Variants in ZNF875 observed in about 807,000 individuals in gnomAD.
ZNF875 encodes HKR1, GLI-Kruppel zinc finger family member.
A neutral mutation model predicts 11.2 loss-of-function variants in ZNF875; 14 were observed. The observed-to-expected ratio is 1.26, with a 90% CI of 0.83 to 1.96. The LOEUF (loss-of-function observed/expected upper bound fraction) is 1.96. ZNF875 is among the 30% of genes most tolerant of loss of function. The pLI is 0.00. For missense variants in ZNF875, 752 were observed against 760.4 expected, an observed-to-expected ratio of 0.99 and a Z score of 0.13; for synonymous variants, 301 against 281.1, an observed-to-expected ratio of 1.07 and a Z score of -0.71.
At position 37,335,211 on chromosome 19, in the gene ZNF875, A is replaced by T. The variant is rs780231081; in HGVS notation, c.-14A>T. 2 of 702,426 alleles carry T rather than the reference A, an allele frequency of 2.8e-6. No individual in the cohort carries two copies. The highest frequency in any genetic ancestry group is 5.2e-6 in the Non-Finnish European group (2 of 384,676). 43.5% of individuals were successfully genotyped at this position (702,426 alleles called of 1,614,324 possible). On this transcript the variant is annotated 5_prime_UTR_variant, in exon 2 of 5. Transcript: ENST00000392153. ...TTGCCCTTCTCCAGGAAGAGCACTC[A>T]GGAGACCAGGAAAATGGCCACAGGG...
chr19:37,345,801 G>A (rs1280223062), intron 2 of ZNF875, among the ~76,000 whole-genome samples: 1 of 152,180 alleles, frequency 6.6e-6, no homozygotes, highest in African/African-American at 2.4e-5. Context: ...TGTACCTAAA[G>A]AGAATAAGTG....
intron 2 of ZNF875, among the ~76,000 whole-genome samples, chr19:37,336,433 G>A (rs923664643): frequency 6.6e-6 from 1 of 151,014 alleles, no homozygotes; most frequent in Non-Finnish European, 1.5e-5. Context: ...CTGAGTAGCT[G>A]GGACTACAGG....
At chr19:37,314,656 C>T (rs750688869), upstream of ZNF875, among the ~76,000 whole-genome samples, 13 of 150,812 alleles carry the variant, frequency 8.6e-5, no homozygotes, top group Admixed American at 2.0e-4. Context: ...GAAACACTGT[C>T]TCTACTAAAA....
At chr19:37,338,737 C>T (rs925777209) in intron 2 of ZNF875, among the ~76,000 whole-genome samples, 6 of 152,276 alleles carry the variant, frequency 3.9e-5, no homozygotes, top group Middle Eastern at 3.4e-3. Context: ...CTTAAGTAAA[C>T]GATTTGAAGG....
rs1191038194 is a variant in ZNF875 at position 37,363,251 on chromosome 19, AAACAC to A, written c.1400_1404del (p.Lys467ThrfsTer42). ...CTTTAGCCTGAAGTCAAACCTTAAC[AAACAC>A]CAGAGGTCACACACGGGGGAGAAGC... On this transcript the variant is annotated frameshift_variant, in exon 5 of 5. Coordinates refer to ENST00000392153, the MANE Select transcript of ZNF875 (RefSeq NM_001353803.2). LOFTEE classifies it low-confidence loss of function (END_TRUNC). 3 of 1,613,930 alleles carry A rather than the reference AAACAC, an allele frequency of 1.9e-6. No individual in the cohort carries two copies. The East Asian group carries it at 6.7e-5, about 36-fold the overall frequency.
At chr19:37,316,861 G>T (rs1321115014), upstream of ZNF875, 2 of 140,286 alleles carry the variant, frequency 1.4e-5, no homozygotes, top group Non-Finnish European at 3.1e-5. Context: ...CGGAGGTTTC[G>T]TCATGTTGGC....
chr19:37,313,537 C>G (rs556183701), upstream of ZNF875, among the ~76,000 whole-genome samples: 1 of 152,174 alleles, frequency 6.6e-6, no homozygotes, highest in Non-Finnish European at 1.5e-5. Flanking sequence ...ACTGACCCTA[C>G]ATACCTACAA....
intron 2 of ZNF875, among the ~76,000 whole-genome samples, chr19:37,339,252 G>T (rs1457072261): frequency 6.6e-6 from 1 of 151,760 alleles, no homozygotes; most frequent in Admixed American, 6.6e-5. Flanking sequence ...TAAAGTTACT[G>T]GCAGTGTATC....
At chr19:37,350,045 A>G (rs2921562) in intron 4 of ZNF875, among the ~76,000 whole-genome samples, 3,039 of 94,732 alleles carry the variant, frequency 0.032, 106 homozygotes, top group African/African-American at 0.095. Flanking sequence ...GCTCACTGCA[A>G]CCTCCGCCTA....
In ZNF875 at chr19:37,358,141, T is replaced by C. The variant is rs201349431; in HGVS notation, c.257-3968T>C. ...ACATCTATTAAGATGATCTTTTTTT[T>C]TTTTTTTTTTTTTTTTTGTTTGAGA... On this transcript the variant is annotated intron_variant, in intron 4 of 4. Coordinates refer to ENST00000392153, the MANE Select transcript of ZNF875 (RefSeq NM_001353803.2). 136 of 367,332 alleles carry C rather than the reference T, an allele frequency of 3.7e-4. 3 individuals are homozygous for C. The East Asian group carries it at 3.8e-3, about 10-fold the overall frequency. 22.8% of individuals were successfully genotyped at this position (367,332 alleles called of 1,614,324 possible). A position where few individuals can be genotyped will look rare whatever the true frequency, so the allele number is the denominator to read the frequency against.
upstream of ZNF875, chr19:37,313,366 G>A (rs910631172): frequency 6.6e-6 from 1 of 152,182 alleles, no homozygotes; most frequent in Non-Finnish European, 1.5e-5. Flanking sequence ...GCAGGGACTT[G>A]ACAGCCACAC....
At chr19:37,331,149 T>G (rs531290077), upstream of ZNF875, among the ~76,000 whole-genome samples, 3 of 127,946 alleles carry the variant, frequency 2.3e-5, no homozygotes, top group Non-Finnish European at 3.1e-5. Flanking sequence ...ATGGCACCAC[T>G]GCACTCCAGC....
chr19:37,318,822 A>T (rs1223241672), intron 1 of ZNF875, among the ~76,000 whole-genome samples: 1 of 152,076 alleles, frequency 6.6e-6, no homozygotes, highest in Non-Finnish European at 1.5e-5. Flanking sequence ...CGCCCAGCTT[A>T]TAAAATCATA....
intron 3 of ZNF875, among the ~76,000 whole-genome samples, chr19:37,323,819 C>T (rs1380668424): frequency 1.3e-5 from 2 of 152,174 alleles, no homozygotes; most frequent in African/African-American, 2.4e-5. Flanking sequence ...AACTGAAGTG[C>T]CCATGAACAG....
At chr19:37,328,708 C>T (rs965862476) in intron 4 of ZNF875, 4 of 152,218 alleles carry the variant, frequency 2.6e-5, no homozygotes, top group African/African-American at 4.8e-5. Context: ...CACAAACAGA[C>T]TAAGACAGGG....
intron 4 of ZNF875, chr19:37,328,925 A>C (rs1399177033): frequency 1.3e-5 from 2 of 152,180 alleles, no homozygotes; most frequent in Non-Finnish European, 2.9e-5. Flanking sequence ...AAATTAGATC[A>C]TAGTGTGGTC....
intron 1 of ZNF875, among the ~76,000 whole-genome samples, chr19:37,321,404 C>T (rs2031413823): frequency 6.6e-6 from 1 of 152,104 alleles, no homozygotes; most frequent in Non-Finnish European, 1.5e-5. Context: ...TTGTTTATGA[C>T]ACAGAGATAT....
intron 4 of ZNF875, among the ~76,000 whole-genome samples, chr19:37,356,430 TTTTGTTTG>T (rs748955956): frequency 2.0e-5 from 3 of 152,178 alleles, no homozygotes; most frequent in South Asian, 2.1e-4. Context: ...ACATCTGTTT[TTTTGTTTG>T]TTTGTTTGTT....
intron 1 of ZNF875, among the ~76,000 whole-genome samples, chr19:37,318,816 C>G (rs551606138): frequency 4.9e-4 from 74 of 152,196 alleles, no homozygotes; most frequent in African/African-American, 1.8e-3. Flanking sequence ...CCACCGCGCC[C>G]AGCTTATAAA....
Sources: gnomAD v4.1 joint callset for allele counts (sites outside exome capture counted in the v4.1 genomes callset) on GRCh38, gnomAD v4.1.1 for gene constraint, MANE v1.5 for transcripts, NCBI Gene and HGNC (gene_info 2026-07-23, HGNC 2026-07-21) for gene names.